Variants in RAD54B observed in about 807,000 individuals in gnomAD.
RAD54B encodes RAD54 homolog B.
In RAD54B, 78 loss-of-function variants were observed where a neutral mutation model predicts 95.8. The ratio of observed to expected loss-of-function variants is 0.81; its 90% CI spans 0.68 to 0.98. The LOEUF (loss-of-function observed/expected upper bound fraction) is 0.98. Among genes scored for constraint, RAD54B ranks in the 50% least tolerant of loss-of-function variants. RAD54B has a pLI of 0.00. For missense variants in RAD54B, 957 were observed against 1,056.6 expected (o/e 0.91, Z 1.31); for synonymous variants, 328 against 354.9 (o/e 0.92, Z 0.85).
intron 3 of RAD54B, among the ~76,000 whole-genome samples, chr8:94,448,510 C>T (rs1812573661): frequency 6.6e-6 from 1 of 152,118 alleles, no homozygotes; most frequent in Non-Finnish European, 1.5e-5. Context: ...AATCTGCACT[C>T]CCATGTTCGC....
Position 94,400,391 on chromosome 8 carries a change from G to A in RAD54B, c.1017C>T (p.Leu339=), listed in dbSNP as rs760440293. Residue 339 remains leucine (L), a synonymous_variant, in exon 7 of 15, where the codon CTC becomes CTT. Transcript: ENST00000336148. ...GLGKTLQCIS[L]IWTLQCQGPY... ...GTCCCTGACACTGCAGGGTCCAGATGAGCGAAATACATTGCAATGTCTTCC... is the reference window on the plus strand; with the variant it reads ...GTCCCTGACACTGCAGGGTCCAGATAAGCGAAATACATTGCAATGTCTTCC... The A allele has an allele frequency of 6.2e-6, 10 of 1,613,622 alleles. No homozygotes were observed. The highest frequency in any genetic ancestry group is 1.3e-5 in the African/African-American group (1 of 74,904).
intron 3 of RAD54B, chr8:94,429,256 A>C (rs1328886614): frequency 2.0e-6 from 1 of 506,388 alleles, no homozygotes; most frequent in Non-Finnish European, 2.5e-6. Flanking sequence ...GAAAAATATG[A>C]TTGTAGCAGA....
intron 2 of RAD54B, among the ~76,000 whole-genome samples, chr8:94,466,874 A>G (rs1813036556): frequency 6.6e-6 from 1 of 152,212 alleles, no homozygotes; most frequent in African/African-American, 2.4e-5. Flanking sequence ...TCAAAGAGGT[A>G]CTTACTTATC....
In RAD54B at chr8:94,472,839, T is replaced by C. The variant is rs1041163362; in HGVS notation, c.-17+2162A>G. Among the ~76,000 whole-genome samples, 11 of 152,292 alleles carry C rather than the reference T, an allele frequency of 7.2e-5. No homozygotes were observed. In the East Asian group the frequency reaches 2.1e-3, roughly 29 times the overall value. ...AAATGCGAAGAATTACTACCCTAAA[T>C]CCTTCTACATCTAATACATGATTTC... is the stretch of plus-strand genomic sequence containing the variant. On this transcript the variant is annotated intron_variant, in intron 1 of 14. Transcript: ENST00000336148.
At chr8:94,395,491 A>T (rs1811122002) in intron 8 of RAD54B, among the ~76,000 whole-genome samples, 1 of 152,186 alleles carries the variant, frequency 6.6e-6, no homozygotes, top group Non-Finnish European at 1.5e-5. Flanking sequence ...ATTGCAAACT[A>T]TAGAGGAGAA....
intron 12 of RAD54B, 95 bp downstream of exon 12, chr8:94,380,050 G>C: frequency 7.4e-7 from 1 of 1,359,410 alleles, no homozygotes; most frequent in East Asian, 2.3e-5. Context: ...TCTTTATGCA[G>C]TGGATATTAT....
rs376919776 is a variant in RAD54B, at chr8:94,407,444, G to C, written c.776C>G (p.Thr259Arg). ...AATTATTTTTAAAATCTTACTTGGCGTATATGGGTCATGGCGTGGTTTGCA... is the reference window on the plus strand; with the variant it reads ...AATTATTTTTAAAATCTTACTTGGCCTATATGGGTCATGGCGTGGTTTGCA... ...QNCKPRHDPYTPNSLVMPRPD... is the reference protein window; with the variant it reads ...QNCKPRHDPYRPNSLVMPRPD... Residue 259 changes from threonine to arginine, a missense_variant, in exon 5 of 15, where the codon ACG becomes AGG. By Grantham distance (71) the Thr-to-Arg change is moderately conservative. Coordinates refer to ENST00000336148, the MANE Select transcript of RAD54B (RefSeq NM_012415.3). The C allele has an allele frequency of 5.0e-6, 8 of 1,609,618 alleles. No homozygotes were observed. The African/African-American group carries it at 8.0e-5, about 16-fold the overall frequency.
intron 3 of RAD54B, 118 bp from the exon 4 acceptor site, chr8:94,411,433 A>G (rs1811528784): frequency 1.3e-6 from 1 of 764,582 alleles, no homozygotes. Context: ...AATAGTATGA[A>G]AGAATATTTG....
intron 3 of RAD54B, among the ~76,000 whole-genome samples, chr8:94,434,975 TCTA>T (rs1410803372): frequency 6.6e-6 from 1 of 151,828 alleles, no homozygotes; most frequent in East Asian, 1.9e-4. Context: ...TTATTTTTCT[TCTA>T]CTCACTGTTA....
intron 3 of RAD54B, chr8:94,427,947 A>C (rs1218277043): frequency 1.1e-6 from 1 of 913,626 alleles, no homozygotes; most frequent in East Asian, 1.2e-4. Flanking sequence ...AAAAAATGAA[A>C]TAACACCAAG....
chr8:94,468,683 G>T lies in RAD54B; in HGVS notation c.-16-1128C>A, dbSNP rs1001416241. ...TACTAAAAAAAAATACCAAAAATTA[G>T]CCAGGAGTGGTGGCGGGCGCCTGTG... On this transcript the variant is annotated intron_variant, in intron 1 of 14. Transcript: ENST00000336148. Among the ~76,000 whole-genome samples, 5 of 151,980 alleles carry T rather than the reference G, an allele frequency of 3.3e-5. No individual in the cohort carries two copies. In the South Asian group the frequency reaches 8.3e-4, roughly 25 times the overall value.
rs112127088 is a variant in RAD54B, at chr8:94,422,575, G to A, written c.305-11260C>T. Among the ~76,000 whole-genome samples the A allele has an allele frequency of 6.1e-3, 576 of 94,246 alleles. 2 individuals are homozygous for A. The highest frequency in any genetic ancestry group is 0.022 in the African/African-American group (546 of 24,638). 61.8% of individuals were successfully genotyped at this position (94,246 alleles called of 152,430 possible). The stretch of plus-strand genomic sequence containing the variant: ...GGCACTCCAGCCTGGACGATAGAGC[G>A]AGACTTCGTCTCAAAAAAAAAAAAA... On this transcript the variant is annotated intron_variant, in intron 3 of 14. Transcript: ENST00000336148.
chr8:94,390,528 A>G (rs1810992405), intron 10 of RAD54B, among the ~76,000 whole-genome samples: 1 of 148,834 alleles, frequency 6.7e-6, no homozygotes, highest in Non-Finnish European at 1.5e-5. Context: ...ACAAATAAAT[A>G]AACAGCATCA....
chr8:94,381,523 C>A (rs1563635220), intron 11 of RAD54B, among the ~76,000 whole-genome samples: 1 of 151,792 alleles, frequency 6.6e-6, no homozygotes, highest in Non-Finnish European at 1.5e-5. Context: ...TGAAAAAAAA[C>A]AGAAGAAAAC....
chr8:94,422,652 AT>A (rs1223218633), intron 3 of RAD54B, among the ~76,000 whole-genome samples: 11 of 115,612 alleles, frequency 9.5e-5, no homozygotes, highest in Non-Finnish European at 2.1e-4. Context: ...ATATATATAT[AT>A]AAAATTATCA....
At chr8:94,395,915 G>T (rs1437519656) in intron 8 of RAD54B, among the ~76,000 whole-genome samples, 2 of 152,136 alleles carry the variant, frequency 1.3e-5, no homozygotes, top group African/African-American at 4.8e-5. Flanking sequence ...TAGACTTCCA[G>T]TTATATGGGG....
chr8:94,389,267 T>C (rs1810961777), intron 10 of RAD54B, among the ~76,000 whole-genome samples: 1 of 152,224 alleles, frequency 6.6e-6, no homozygotes, highest in African/African-American at 2.4e-5. Flanking sequence ...ACGGGCGATC[T>C]TAATGCACAA....
At chr8:94,468,760 C>T (rs985670226) in intron 1 of RAD54B, among the ~76,000 whole-genome samples, 5 of 151,740 alleles carry the variant, frequency 3.3e-5, no homozygotes, top group Admixed American at 6.6e-5. Flanking sequence ...ACCCGGGAGG[C>T]GGAGCTTGCA....
chr8:94,436,685 G>T (rs1239129704), intron 3 of RAD54B: 4 of 1,550,604 alleles, frequency 2.6e-6, no homozygotes, highest in Non-Finnish European at 3.5e-6. Context: ...GCTGTTCGAG[G>T]AGGGCGGTCT....
Sources: allele counts gnomAD v4.1 joint callset (sites outside exome capture counted in the v4.1 genomes callset), GRCh38; gene constraint gnomAD v4.1.1; transcripts MANE v1.5; gene names NCBI Gene and HGNC (gene_info 2026-07-23, HGNC 2026-07-21).